PHKB: variants seen among roughly 807,000 people sequenced by gnomAD.
PHKB encodes the protein phosphorylase kinase regulatory subunit beta.
In PHKB, 122 loss-of-function variants were observed where a neutral mutation model predicts 152.1. The ratio of observed to expected loss-of-function variants is 0.80; its 90% CI spans 0.69 to 0.93. PHKB has a LOEUF of 0.93. PHKB is among the 40% of genes least tolerant of loss of function. The pLI is 0.00. For missense variants in PHKB, 1,304 were observed against 1,328.4 expected, an observed-to-expected ratio of 0.98 and a Z score of 0.29; for synonymous variants, 436 against 464.9, an observed-to-expected ratio of 0.94 and a Z score of 0.80.
At chr16:47,497,090 T>C (rs1329641748) in intron 1 of PHKB, among the ~76,000 whole-genome samples, 1 of 152,196 alleles carries the variant, frequency 6.6e-6, no homozygotes, top group Non-Finnish European at 1.5e-5. Context: ...TATTGACAAA[T>C]GACTACCACA....
At chr16:47,660,920 C>T in intron 22 of PHKB, 101 bp downstream of exon 22, 1 of 1,198,054 alleles carries the variant, frequency 8.3e-7, no homozygotes, top group Non-Finnish European at 1.2e-6. Flanking sequence ...GTGAAGGTAG[C>T]AATTAATCTG....
At chr16:47,531,729 T>C (rs1481000218) in intron 6 of PHKB, among the ~76,000 whole-genome samples, 1 of 152,204 alleles carries the variant, frequency 6.6e-6, no homozygotes, top group Non-Finnish European at 1.5e-5. Flanking sequence ...AAACTCATGT[T>C]ACGTTTGTGA....
At chr16:47,627,205 C>A (rs1417929326) in intron 14 of PHKB, among the ~76,000 whole-genome samples, 1 of 152,092 alleles carries the variant, frequency 6.6e-6, no homozygotes, top group African/African-American at 2.4e-5. Context: ...TTGATCTTTC[C>A]TGTTGTGTTT....
intron 7 of PHKB, chr16:47,566,634 C>G (rs1971572102): frequency 8.8e-7 from 1 of 1,133,662 alleles, no homozygotes; most frequent in East Asian, 2.4e-5. Context: ...GGGAAGATGG[C>G]TCCAGTCGAT....
intron 14 of PHKB, among the ~76,000 whole-genome samples, chr16:47,614,365 A>G (rs984112228): frequency 1.3e-5 from 2 of 152,182 alleles, no homozygotes; most frequent in East Asian, 1.9e-4. Flanking sequence ...ACCATATCAC[A>G]TAGTTTGTTT....
chr16:47,583,177 A>G (rs1323445577), intron 8 of PHKB, among the ~76,000 whole-genome samples: 2 of 152,224 alleles, frequency 1.3e-5, no homozygotes, highest in Non-Finnish European at 2.9e-5. Flanking sequence ...AGGTAGTGTC[A>G]GTGTCCTTGT....
chr16:47,652,280 TG>T (rs971095731), intron 20 of PHKB, among the ~76,000 whole-genome samples: 4 of 151,828 alleles, frequency 2.6e-5, no homozygotes, highest in African/African-American at 9.7e-5. Context: ...GGTATATGCA[TG>T]ATGCTGAGAT....
intron 1 of PHKB, among the ~76,000 whole-genome samples, chr16:47,472,050 C>T (rs1254954456): frequency 3.3e-5 from 5 of 152,010 alleles, no homozygotes; most frequent in Middle Eastern, 3.4e-3. Flanking sequence ...AGAGAGACTC[C>T]GTCTCAAAAA....
At chr16:47,539,499 AATAATAGAT>A (rs1971013066) in intron 6 of PHKB, among the ~76,000 whole-genome samples, 1 of 152,148 alleles carries the variant, frequency 6.6e-6, no homozygotes, top group African/African-American at 2.4e-5. Flanking sequence ...CCTTATAAAC[AATAATAGAT>A]ACATTGTTGA....
At chr16:47,604,723 C>T (rs73551230) in intron 13 of PHKB, among the ~76,000 whole-genome samples, 6,812 of 151,830 alleles carry the variant, frequency 0.045, 195 homozygotes, top group African/African-American at 0.07. Flanking sequence ...TTTCTTTTTA[C>T]GCTGGACAGT....
Position 47,587,226 on chromosome 16 carries a change from C to G in PHKB, c.775-442C>G, listed in dbSNP as rs574072339. On this transcript the variant is annotated intron_variant, in intron 8 of 30. Transcript: ENST00000323584. Reference sequence around the variant, plus strand: ...GATTCTCCTGTCTTCATATTTTAATCCAGTATTCTTTTACATTCATCTAGA... The same window carrying G: ...GATTCTCCTGTCTTCATATTTTAATGCAGTATTCTTTTACATTCATCTAGA... Among the ~76,000 whole-genome samples, 3 of 152,190 alleles carry G rather than the reference C, an allele frequency of 2.0e-5. No individual in the cohort carries two copies. In the South Asian group the frequency reaches 6.2e-4, roughly 32 times the overall value.
intron 4 of PHKB, among the ~76,000 whole-genome samples, chr16:47,505,261 T>C (rs1970394088): frequency 1.3e-5 from 2 of 152,186 alleles, no homozygotes; most frequent in Non-Finnish European, 2.9e-5. Context: ...GGGCCGCTTC[T>C]GGTAAGCAGA....
chr16:47,661,828 T>C (rs775881429), intron 23 of PHKB, 28 bp downstream of exon 23: 2 of 1,390,374 alleles, frequency 1.4e-6, no homozygotes, highest in Admixed American at 3.3e-5. Flanking sequence ...GGAGAACATT[T>C]TAAGAGGACC....
chr16:47,573,223 T>C (rs1041779087), intron 7 of PHKB, among the ~76,000 whole-genome samples: 12 of 152,130 alleles, frequency 7.9e-5, no homozygotes, highest in Non-Finnish European at 1.2e-4. Flanking sequence ...GATTTATACT[T>C]GGCTTATGTT....
intron 14 of PHKB, among the ~76,000 whole-genome samples, chr16:47,623,784 C>G (rs1972661079): frequency 6.6e-6 from 1 of 152,028 alleles, no homozygotes; most frequent in Admixed American, 6.5e-5. Context: ...TCTCGAACTC[C>G]TGATCTCAAG....
At chr16:47,503,885 A>G (rs1970366723) in intron 4 of PHKB, among the ~76,000 whole-genome samples, 1 of 152,210 alleles carries the variant, frequency 6.6e-6, no homozygotes, top group Non-Finnish European at 1.5e-5. Flanking sequence ...AAATTAAAGA[A>G]AATAATGTAC....
rs941715537 is a variant in PHKB, at chr16:47,701,263, AT to A, written c.*1904del. The A allele has an allele frequency of 5.5e-4, 83 of 152,284 alleles. No individual in the cohort carries two copies. Among genetic ancestry groups the A allele is most frequent in the African/African-American group, 1.8e-3 (76 of 41,560 alleles). The allele number at this position is 152,284 out of a possible 1,614,324, so 9.4% of individuals were successfully genotyped here. On this transcript the variant is annotated 3_prime_UTR_variant, in exon 31 of 31. Transcript: ENST00000323584. Reference sequence around the variant, plus strand: ...AGTAAACTGTGTTGTAGTTTTAAGAATTTTTTTAAAAAATCTGATTAGCTGA... The same window carrying A: ...AGTAAACTGTGTTGTAGTTTTAAGAATTTTTTAAAAAATCTGATTAGCTGA...
At chr16:47,533,813 C>T (rs1253583991) in intron 6 of PHKB, among the ~76,000 whole-genome samples, 1 of 152,070 alleles carries the variant, frequency 6.6e-6, no homozygotes, top group East Asian at 1.9e-4. Flanking sequence ...AGGTTCAGGG[C>T]TCCTGCCTGC....
At chr16:47,612,790 A>G (rs1597124103) in intron 14 of PHKB, among the ~76,000 whole-genome samples, 1 of 152,200 alleles carries the variant, frequency 6.6e-6, no homozygotes, top group Admixed American at 6.5e-5. Context: ...GGTGGTATAT[A>G]AAATACTGAA....
Sources: gnomAD v4.1 joint callset for allele counts (sites outside exome capture counted in the v4.1 genomes callset) on GRCh38, gnomAD v4.1.1 for gene constraint, MANE v1.5 for transcripts, NCBI Gene and HGNC (gene_info 2026-07-23, HGNC 2026-07-21) for gene names.